OTUD7B: variants seen among roughly 807,000 people sequenced by gnomAD.
The protein encoded by OTUD7B is OTU domain-containing protein 7B.
OTUD7B carries 34 observed loss-of-function variants against 82.2 expected under a neutral mutation model. That is an observed-to-expected ratio of 0.41 (90% CI 0.31 to 0.55). OTUD7B has a LOEUF of 0.55. Among genes scored for constraint, OTUD7B ranks in the 20% least tolerant of loss-of-function variants. The probability of loss-of-function intolerance (pLI) is 0.20; values close to 1 mark genes in which losing one functional copy is unlikely to be tolerated. For synonymous variants in OTUD7B, 398 were observed against 402.7 expected, an observed-to-expected ratio of 0.99 and a Z score of 0.14; for missense variants, 944 against 1,062.1, an observed-to-expected ratio of 0.89 and a Z score of 1.55.
chr1:149,962,494 TA>T (rs1159122089), intron 6 of OTUD7B: 1 of 152,154 alleles, frequency 6.6e-6, no homozygotes, highest in Non-Finnish European at 1.5e-5. Flanking sequence ...GCAAAAGGAC[TA>T]AAACTATTGC....
the OTUD7B span, among the ~76,000 whole-genome samples, chr1:150,059,472 C>A: frequency 2.0e-5 from 3 of 151,470 alleles, no homozygotes; most frequent in African/African-American, 7.3e-5. Context: ...CAGGTTCAAT[C>A]GATTCTCCTG....
chr1:150,062,880 A>G, the OTUD7B span, among the ~76,000 whole-genome samples: 4 of 151,300 alleles, frequency 2.6e-5, no homozygotes, highest in African/African-American at 9.7e-5. Flanking sequence ...ACGCCCGGCT[A>G]ATTGTGTATT....
the OTUD7B span, among the ~76,000 whole-genome samples, chr1:150,064,066 T>C: frequency 6.6e-6 from 1 of 152,226 alleles, no homozygotes; most frequent in African/African-American, 2.4e-5. Context: ...TAAATTTTCT[T>C]GTCAATGGGA....
At chr1:149,960,923 C>CTTTTTTTTTTTTT (rs781962716) in intron 6 of OTUD7B, 1 of 91,598 alleles carries the variant, frequency 1.1e-5, no homozygotes, top group Non-Finnish European at 1.9e-5. Flanking sequence ...TGGATACCTT[C>CTTTTTTTTTTTTT]TTTTTTTTTT....
the OTUD7B span, among the ~76,000 whole-genome samples, chr1:150,037,635 G>A: frequency 1.3e-5 from 2 of 151,834 alleles, no homozygotes; most frequent in African/African-American, 2.4e-5. Flanking sequence ...TGTCTCCCAG[G>A]ATGGAGTGCA....
chr1:150,017,481 A>G, the OTUD7B span, among the ~76,000 whole-genome samples: 1 of 152,228 alleles, frequency 6.6e-6, no homozygotes, highest in African/African-American at 2.4e-5. Context: ...GGCTATGAGG[A>G]GAGCAAGTGC....
chr1:150,025,968 T>C, the OTUD7B span, among the ~76,000 whole-genome samples: 6 of 152,218 alleles, frequency 3.9e-5, no homozygotes, highest in South Asian at 1.2e-3. Flanking sequence ...TGCAGAGCTC[T>C]GGAGCTTGAA....
chr1:150,033,518 TGCC>T, the OTUD7B span, among the ~76,000 whole-genome samples: 1 of 152,086 alleles, frequency 6.6e-6, no homozygotes, highest in African/African-American at 2.4e-5. Flanking sequence ...ACAAAGAACT[TGCC>T]AGTGGTAAAA....
chr1:150,033,871 G>A, the OTUD7B span, among the ~76,000 whole-genome samples: 10 of 152,100 alleles, frequency 6.6e-5, no homozygotes, highest in South Asian at 6.2e-4. Flanking sequence ...ACAGGTGTGC[G>A]CCACCACACC....
intron 1 of OTUD7B, among the ~76,000 whole-genome samples, chr1:149,985,619 A>T (rs1651080689): frequency 6.7e-6 from 1 of 150,212 alleles, no homozygotes; most frequent in Non-Finnish European, 1.5e-5. Context: ...GTGGAGGTGC[A>T]CTCCTGTAGT....
At chr1:149,983,685 G>T (rs1650942874) in intron 1 of OTUD7B, among the ~76,000 whole-genome samples, 1 of 152,060 alleles carries the variant, frequency 6.6e-6, no homozygotes, top group Admixed American at 6.6e-5. Flanking sequence ...AGTGGACCCT[G>T]TTAAAGATTT....
the OTUD7B span, among the ~76,000 whole-genome samples, chr1:150,062,743 A>C: frequency 3.4e-5 from 3 of 89,176 alleles, no homozygotes; most frequent in African/African-American, 9.4e-5. Flanking sequence ...ACGGAGTTTC[A>C]CTCTTGTTGC....
chr1:150,006,323 G>T (rs1398306902), intron 1 of OTUD7B, among the ~76,000 whole-genome samples: 3 of 152,070 alleles, frequency 2.0e-5, no homozygotes, highest in Non-Finnish European at 4.4e-5. Flanking sequence ...CGGGCGTGGT[G>T]GTGGGCGCCT....
intron 1 of OTUD7B, among the ~76,000 whole-genome samples, chr1:149,992,126 G>A (rs374619371): frequency 6.6e-6 from 1 of 152,150 alleles, no homozygotes; most frequent in East Asian, 1.9e-4. Context: ...TCAGGAGGCT[G>A]AGGCAGGAGA....
chr1:150,000,086 G>A (rs1214671649), intron 1 of OTUD7B, among the ~76,000 whole-genome samples: 1 of 152,106 alleles, frequency 6.6e-6, no homozygotes, highest in Non-Finnish European at 1.5e-5. Flanking sequence ...ATATCCTGCT[G>A]GAGAAAAAAG....
chr1:149,948,629 C>T (rs1647942870), intron 10 of OTUD7B, among the ~76,000 whole-genome samples: 1 of 152,136 alleles, frequency 6.6e-6, no homozygotes, highest in Non-Finnish European at 1.5e-5. Context: ...CTCAGCCTCC[C>T]AAAGTGCTGG....
intron 11 of OTUD7B, among the ~76,000 whole-genome samples, chr1:149,946,249 G>A (rs186362314): frequency 1.7e-3 from 265 of 151,602 alleles, no homozygotes; most frequent in Middle Eastern, 3.4e-3. Context: ...TGCAATCTCA[G>A]CTACTCGGGA....
At chr1:150,041,043 C>A in the OTUD7B span, among the ~76,000 whole-genome samples, 39,950 of 151,734 alleles carry the variant, frequency 0.26, 7,937 homozygotes, top group African/African-American at 0.56. Context: ...AAATTTGTTT[C>A]ATCGTAGTTA....
In OTUD7B at chr1:149,955,342, T is replaced by C. The variant is rs186619960; in HGVS notation, c.845+4342A>G. On this transcript the variant is annotated intron_variant, in intron 7 of 11. Coordinates refer to ENST00000581312, the MANE Select transcript of OTUD7B (RefSeq NM_020205.4). The stretch of plus-strand genomic sequence containing the variant: ...AGCAGGTTGTTCAGTTTCCATGTAG[T>C]TGAGCAGTTCTGAGTGAGTTTCTTA... Among the ~76,000 whole-genome samples the C allele has an allele frequency of 9.2e-4, 140 of 152,360 alleles. 1 individual carries two copies. The highest frequency in any genetic ancestry group is 1.7e-3 in the Non-Finnish European group (113 of 68,030).
Sources: allele counts gnomAD v4.1 joint callset (sites outside exome capture counted in the v4.1 genomes callset), GRCh38; gene constraint gnomAD v4.1.1; transcripts MANE v1.5; gene names NCBI Gene and HGNC (gene_info 2026-07-23, HGNC 2026-07-21).